The following PDE4D variants were observed in gnomAD, a reference collection of about 807,000 sequenced individuals.
PDE4D encodes phosphodiesterase 4D.
A neutral mutation model predicts 87.4 loss-of-function variants in PDE4D; 24 were observed. The ratio of observed to expected loss-of-function variants is 0.27; its 90% CI spans 0.20 to 0.39. The LOEUF (loss-of-function observed/expected upper bound fraction) is 0.39. Ranked by LOEUF, PDE4D falls within the 10% of genes least tolerant of loss-of-function variation. The probability of loss-of-function intolerance (pLI) is 1.00; values close to 1 mark genes in which losing one functional copy is unlikely to be tolerated. For missense variants in PDE4D, 714 were observed against 1,041.0 expected, an observed-to-expected ratio of 0.69 and a Z score of 4.32; for synonymous variants, 384 against 383.2, an observed-to-expected ratio of 1.00 and a Z score of -0.02.
At chr5:59,421,102 A>T (rs1794417872) in intron 1 of PDE4D, among the ~76,000 whole-genome samples, 1 of 152,148 alleles carries the variant, frequency 6.6e-6, no homozygotes, top group Non-Finnish European at 1.5e-5. Flanking sequence ...ACATTTTGTG[A>T]GCTGGTTTAT....
intron 1 of PDE4D, among the ~76,000 whole-genome samples, chr5:60,406,524 A>G (rs1741549152): frequency 6.6e-6 from 1 of 152,194 alleles, no homozygotes; most frequent in Non-Finnish European, 1.5e-5. Context: ...TATAGTCCTC[A>G]GCAAATTCCA....
At chr5:59,238,496 G>T (rs1235944890) in intron 1 of PDE4D, among the ~76,000 whole-genome samples, 1 of 152,136 alleles carries the variant, frequency 6.6e-6, no homozygotes, top group Non-Finnish European at 1.5e-5. Flanking sequence ...ATGTATTTAT[G>T]AATGGAGAAG....
chr5:59,896,342 C>A (rs1352439627), upstream of PDE4D, among the ~76,000 whole-genome samples: 1 of 151,886 alleles, frequency 6.6e-6, no homozygotes, highest in Non-Finnish European at 1.5e-5. Context: ...CTTGGCTGTA[C>A]CTAGGGAATA....
chr5:59,257,498 C>A (rs1239541842), intron 1 of PDE4D, among the ~76,000 whole-genome samples: 1 of 152,120 alleles, frequency 6.6e-6, no homozygotes, highest in Admixed American at 6.6e-5. Context: ...CAGCTGAAGG[C>A]CAATATTACA....
At chr5:59,469,357 CA>C (rs1382569429) in intron 1 of PDE4D, among the ~76,000 whole-genome samples, 8 of 151,902 alleles carry the variant, frequency 5.3e-5, no homozygotes, top group African/African-American at 1.9e-4. Context: ...AAACAAAAAA[CA>C]AAAACTAACA....
At chr5:59,117,035 T>C (rs1052848520) in intron 5 of PDE4D, among the ~76,000 whole-genome samples, 3 of 152,200 alleles carry the variant, frequency 2.0e-5, no homozygotes, top group African/African-American at 7.2e-5. Flanking sequence ...AAAAATACTT[T>C]ATAGTACACA....
At chr5:60,150,670 T>C (rs1298583542) in intron 2 of PDE4D, among the ~76,000 whole-genome samples, 1 of 152,134 alleles carries the variant, frequency 6.6e-6, no homozygotes, top group Non-Finnish European at 1.5e-5. Context: ...TCTTGACAAG[T>C]ACAGAAAGTA....
chr5:60,069,141 C>T (rs140711828), intron 2 of PDE4D, among the ~76,000 whole-genome samples: 4 of 152,248 alleles, frequency 2.6e-5, no homozygotes, highest in South Asian at 2.1e-4. Context: ...CTTTATCAAA[C>T]GTCAGTTGAC....
At chr5:59,431,734 T>G (rs1486600708) in intron 1 of PDE4D, among the ~76,000 whole-genome samples, 1 of 152,076 alleles carries the variant, frequency 6.6e-6, no homozygotes, top group Admixed American at 6.6e-5. Flanking sequence ...CATCCAGATA[T>G]TAAACCCAGT....
intron 5 of PDE4D, among the ~76,000 whole-genome samples, chr5:59,158,418 A>G (rs1319663072): frequency 6.6e-6 from 1 of 152,230 alleles, no homozygotes; most frequent in African/African-American, 2.4e-5. Flanking sequence ...CTGGGCAACC[A>G]TCAAGTCCAC....
chr5:59,446,360 AT>A (rs1798341762), intron 1 of PDE4D, among the ~76,000 whole-genome samples: 2 of 152,322 alleles, frequency 1.3e-5, no homozygotes, highest in South Asian at 4.1e-4. Context: ...AATGAAAAAA[AT>A]ATAGTGAATT....
At chr5:60,473,819 C>T (rs2150199341) in intron 1 of PDE4D, among the ~76,000 whole-genome samples, 1 of 151,958 alleles carries the variant, frequency 6.6e-6, no homozygotes, top group Admixed American at 6.5e-5. Context: ...ATGCACTCTA[C>T]ACCCTCCCCA....
chr5:60,209,532 A>G (rs1742947848), intron 1 of PDE4D, among the ~76,000 whole-genome samples: 1 of 152,202 alleles, frequency 6.6e-6, no homozygotes, highest in African/African-American at 2.4e-5. Flanking sequence ...ATCAATAATG[A>G]TAATGTCACA....
intron 1 of PDE4D, among the ~76,000 whole-genome samples, chr5:59,571,957 T>A (rs1438411174): frequency 6.6e-6 from 1 of 152,200 alleles, no homozygotes; most frequent in African/African-American, 2.4e-5. Flanking sequence ...TTCGTCTACA[T>A]CCTCTTTCCA....
chr5:59,577,338 G>A (rs552222309), intron 1 of PDE4D, among the ~76,000 whole-genome samples: 74 of 152,214 alleles, frequency 4.9e-4, no homozygotes, highest in Middle Eastern at 6.8e-3. Flanking sequence ...GACAGGCTAA[G>A]GATATTCCAT....
intron 1 of PDE4D, among the ~76,000 whole-genome samples, chr5:59,835,707 C>T (rs1741915757): frequency 6.6e-6 from 1 of 151,936 alleles, no homozygotes; most frequent in Non-Finnish European, 1.5e-5. Context: ...GGTAGGTGCC[C>T]ACAGAGGCAA....
At chr5:60,361,293 T>C (rs747142540) in intron 1 of PDE4D, among the ~76,000 whole-genome samples, 1 of 152,236 alleles carries the variant, frequency 6.6e-6, no homozygotes, top group Non-Finnish European at 1.5e-5. Flanking sequence ...TAGTTTGTAA[T>C]ATTATTTAAT....
intron 11 of PDE4D, 47 bp from the exon 12 acceptor site, chr5:58,977,392 A>G (rs1744065097): frequency 6.4e-7 from 1 of 1,554,310 alleles, no homozygotes; most frequent in African/African-American, 1.4e-5. Context: ...TGTTTGTGAG[A>G]AGTTTATCTG....
chr5:59,233,562 C>T (rs976205685), intron 1 of PDE4D, among the ~76,000 whole-genome samples: 1 of 152,110 alleles, frequency 6.6e-6, no homozygotes. Flanking sequence ...ATGCCTAAGA[C>T]CATTCCTGTT....
Sources: gnomAD v4.1 joint callset for allele counts (sites outside exome capture counted in the v4.1 genomes callset) on GRCh38, gnomAD v4.1.1 for gene constraint, MANE v1.5 for transcripts, NCBI Gene and HGNC (gene_info 2026-07-23, HGNC 2026-07-21) for gene names.